FGF12: variants seen among roughly 807,000 people sequenced by gnomAD.
FGF12 encodes the protein fibroblast growth factor 12B.
FGF12 carries 14 observed loss-of-function variants against 23.6 expected under a neutral mutation model. The ratio of observed to expected loss-of-function variants is 0.59; its 90% CI spans 0.39 to 0.93. The LOEUF is 0.93. Among genes scored for constraint, FGF12 ranks in the 40% least tolerant of loss-of-function variants. The pLI, the probability that FGF12 is intolerant of heterozygous loss-of-function variation, is 0.00. For synonymous variants in FGF12, 62 were observed against 77.3 expected, an observed-to-expected ratio of 0.80 and a Z score of 1.04; for missense variants, 175 against 217.8, an observed-to-expected ratio of 0.80 and a Z score of 1.24.
intron 2 of FGF12, among the ~76,000 whole-genome samples, chr3:192,675,446 A>G: frequency 6.6e-6 from 1 of 152,200 alleles, no homozygotes; most frequent in Non-Finnish European, 1.5e-5. Context: ...TTTATTATGC[A>G]CACTCAGACA....
At chr3:192,631,460 A>G (rs769523565) in intron 2 of FGF12, among the ~76,000 whole-genome samples, 4 of 152,210 alleles carry the variant, frequency 2.6e-5, no homozygotes, top group Non-Finnish European at 5.9e-5. Flanking sequence ...TGTTCACCAC[A>G]TTGAGCCCTC....
chr3:192,490,487 GTGTA>G (rs1297783783), intron 2 of FGF12, among the ~76,000 whole-genome samples: 2 of 151,662 alleles, frequency 1.3e-5, no homozygotes, highest in African/African-American at 2.4e-5. Context: ...ATGTATACAT[GTGTA>G]TGTATGTGTA....
chr3:192,721,488 T>A (rs947945531), intron 2 of FGF12, among the ~76,000 whole-genome samples: 1 of 152,160 alleles, frequency 6.6e-6, no homozygotes, highest in Non-Finnish European at 1.5e-5. Flanking sequence ...TTTGAAAAAG[T>A]ACAAAGTGTT....
At chr3:192,478,671 A>T (rs1379574397) in intron 2 of FGF12, among the ~76,000 whole-genome samples, 2 of 152,156 alleles carry the variant, frequency 1.3e-5, no homozygotes, top group African/African-American at 4.8e-5. Context: ...TTCAAATACT[A>T]GACTGTGGAA....
chr3:192,672,053 C>A (rs867847008), intron 2 of FGF12, among the ~76,000 whole-genome samples: 15 of 152,228 alleles, frequency 9.9e-5, no homozygotes, highest in African/African-American at 3.6e-4. Flanking sequence ...AAGTTAACAG[C>A]CAAGCCAGCA....
intron 2 of FGF12, among the ~76,000 whole-genome samples, chr3:192,575,716 T>C (rs1254125525): frequency 6.7e-6 from 1 of 150,160 alleles, no homozygotes; most frequent in African/African-American, 2.5e-5. Flanking sequence ...TTCAGACTGA[T>C]TTTTTTTTAA....
chr3:192,219,953 A>C (rs1362124931), intron 4 of FGF12, among the ~76,000 whole-genome samples: 3 of 152,166 alleles, frequency 2.0e-5, no homozygotes, highest in Non-Finnish European at 4.4e-5. Flanking sequence ...TGATTATGAC[A>C]AAAAGACACC....
intron 2 of FGF12, among the ~76,000 whole-genome samples, chr3:192,660,923 T>C (rs1716643380): frequency 1.3e-5 from 2 of 151,416 alleles, no homozygotes; most frequent in African/African-American, 4.9e-5. Flanking sequence ...GCTGGACACA[T>C]GCTATAAAAT....
chr3:192,544,298 C>T (rs1189676688), intron 2 of FGF12, among the ~76,000 whole-genome samples: 4 of 152,182 alleles, frequency 2.6e-5, no homozygotes, highest in African/African-American at 7.2e-5. Context: ...CTTTTCCACC[C>T]TCTTCAGTGC....
chr3:192,692,520 T>C (rs1717974982), intron 2 of FGF12, among the ~76,000 whole-genome samples: 1 of 151,840 alleles, frequency 6.6e-6, no homozygotes, highest in Non-Finnish European at 1.5e-5. Context: ...GCCTGGACAA[T>C]GTGGTGAAAC....
At position 192,516,759 on chromosome 3, in the gene FGF12, T is replaced by A. The variant is rs528154950; in HGVS notation, c.14-156221A>T. The stretch of plus-strand genomic sequence containing the variant: ...CTCTTAGTCCTGTTGTTCAGTGGTA[T>A]CACAAGCTCTTTAAGCTCCAAGGTC... On this transcript the variant is annotated intron_variant, in intron 2 of 5. Coordinates refer to ENST00000445105, the MANE Select transcript of FGF12 (RefSeq NM_004113.6). 39 of 152,336 alleles carry A rather than the reference T, an allele frequency of 2.6e-4. 1 individual carries two copies. Among genetic ancestry groups the A allele is most frequent in the Admixed American group, 1.8e-3 (28 of 15,308 alleles). 9.4% of individuals were successfully genotyped at this position (152,336 alleles called of 1,614,324 possible). A position where few individuals can be genotyped will look rare whatever the true frequency, so the allele number is the denominator to read the frequency against.
At chr3:192,163,416 T>C (rs1714984685) in intron 5 of FGF12, among the ~76,000 whole-genome samples, 1 of 152,158 alleles carries the variant, frequency 6.6e-6, no homozygotes, top group Admixed American at 6.6e-5. Flanking sequence ...ACATATATAG[T>C]ATACTTAATT....
intron 2 of FGF12, among the ~76,000 whole-genome samples, chr3:192,439,700 GGC>G (rs1382279209): frequency 6.6e-6 from 1 of 152,166 alleles, no homozygotes; most frequent in East Asian, 1.9e-4. Context: ...AACATGGCCA[GGC>G]GTGGTGGCTC....
chr3:192,330,495 T>C (rs764103919), intron 4 of FGF12, among the ~76,000 whole-genome samples: 2 of 152,218 alleles, frequency 1.3e-5, no homozygotes, highest in African/African-American at 2.4e-5. Context: ...ACAAGTGGTG[T>C]TGGAAAAACT....
At chr3:192,601,816 C>A (rs1295150883) in intron 2 of FGF12, among the ~76,000 whole-genome samples, 3 of 152,138 alleles carry the variant, frequency 2.0e-5, no homozygotes, top group Non-Finnish European at 2.9e-5. Flanking sequence ...ATAATACCTA[C>A]TACAATGCAA....
intron 2 of FGF12, among the ~76,000 whole-genome samples, chr3:192,586,198 A>T: frequency 6.6e-6 from 1 of 152,202 alleles, no homozygotes. Flanking sequence ...AAGCATGGGT[A>T]ACAAGCAGGT....
intron 2 of FGF12, among the ~76,000 whole-genome samples, chr3:192,418,650 T>G (rs1327604803): frequency 6.6e-6 from 1 of 152,078 alleles, no homozygotes; most frequent in African/African-American, 2.4e-5. Flanking sequence ...GGGGGCAGAC[T>G]TCCCTCTTGC....
At chr3:192,637,108 T>C (rs1261540447) in intron 2 of FGF12, among the ~76,000 whole-genome samples, 1 of 152,168 alleles carries the variant, frequency 6.6e-6, no homozygotes, top group Non-Finnish European at 1.5e-5. Flanking sequence ...TTATAGCGTC[T>C]CTCCCTCGCT....
chr3:192,278,869 T>G (rs2108636956), intron 4 of FGF12, among the ~76,000 whole-genome samples: 1 of 152,204 alleles, frequency 6.6e-6, no homozygotes, highest in South Asian at 2.1e-4. Context: ...CCCTTCCTGC[T>G]CCTCCCTCTC....
Sources: gnomAD v4.1 joint callset for allele counts (sites outside exome capture counted in the v4.1 genomes callset) on GRCh38, gnomAD v4.1.1 for gene constraint, MANE v1.5 for transcripts, NCBI Gene and HGNC (gene_info 2026-07-23, HGNC 2026-07-21) for gene names.